Variants in NOL9 observed in about 807,000 individuals in gnomAD.
NOL9 encodes polynucleotide 5'-hydroxyl-kinase NOL9.
NOL9 carries 28 observed loss-of-function variants against 67.9 expected under a neutral mutation model. That is an observed-to-expected ratio of 0.41 (90% CI 0.31 to 0.57). The LOEUF (loss-of-function observed/expected upper bound fraction) is 0.57, where lower values mean the gene tolerates loss of function less well. Among genes scored for constraint, NOL9 ranks in the 20% least tolerant of loss-of-function variants. NOL9 has a pLI of 0.25. For missense variants in NOL9, 777 were observed against 897.0 expected, an observed-to-expected ratio of 0.87 and a Z score of 1.71; for synonymous variants, 356 against 352.2, an observed-to-expected ratio of 1.01 and a Z score of -0.12.
At position 6,525,944 on chromosome 1, in the gene NOL9, T is replaced by G. The variant is rs941121789; in HGVS notation, c.2019A>C (p.Gly673=). The G allele has an allele frequency of 2.5e-6, 4 of 1,613,992 alleles. No homozygotes were observed. Among genetic ancestry groups the G allele is most frequent in the Admixed American group, 1.7e-5 (1 of 60,008 alleles). Residue 673 remains glycine, a synonymous_variant, in exon 12 of 12, where the codon GGA becomes GGC. Transcript: ENST00000377705. ...CTCTTGCTCCAATTTTCTCTGATGC[T>G]CCAGGAAGTTTAAAATTGTAATCCG... ...VTTDYNFKLP[G]ASEKIGAREP...
intron 8 of NOL9, 96 bp from the exon 9 acceptor site, chr1:6,532,175 T>C: frequency 1.0e-6 from 1 of 982,174 alleles, no homozygotes; most frequent in Admixed American, 2.0e-5. Context: ...CACAGAGTAC[T>C]GGGCTTTCCA....
chr1:6,533,257 C>T (rs1340262036), intron 7 of NOL9, 23 bp downstream of exon 7: 2 of 1,554,376 alleles, frequency 1.3e-6, no homozygotes, highest in East Asian at 2.3e-5. Flanking sequence ...CCTTCCCTTG[C>T]AGATGTGCAC....
intron 5 of NOL9, among the ~76,000 whole-genome samples, chr1:6,542,812 G>A (rs180745476): frequency 9.9e-5 from 15 of 150,996 alleles, no homozygotes; most frequent in Admixed American, 9.9e-4. Flanking sequence ...GGCTGGTCTT[G>A]AACTCCTGAA....
chr1:6,540,609 T>C (rs1397728615), intron 6 of NOL9, among the ~76,000 whole-genome samples: 1 of 152,100 alleles, frequency 6.6e-6, no homozygotes, highest in Non-Finnish European at 1.5e-5. Context: ...GTAGATGACC[T>C]GAGGTCAGGA....
At chr1:6,548,764 T>A (rs1639475822) in intron 3 of NOL9, 1 of 161,828 alleles carries the variant, frequency 6.2e-6, no homozygotes, top group Non-Finnish European at 1.4e-5. Flanking sequence ...ATTAATAAAC[T>A]GAAATATAAA....
chr1:6,530,973 A>G (rs993648299), intron 9 of NOL9, among the ~76,000 whole-genome samples: 2 of 152,198 alleles, frequency 1.3e-5, no homozygotes, highest in Non-Finnish European at 2.9e-5. Flanking sequence ...TGCTTTTACC[A>G]TCTGTAAAAT....
Position 6,521,854 on chromosome 1 carries a change from G to C in NOL9, c.*4000C>G, listed in dbSNP as rs575108531. Reference sequence around the variant, plus strand: ...CGGAGACTGTGCTACATCTCTTATAGACATGACTTCACTTACTCCTCACCC... The same window carrying C: ...CGGAGACTGTGCTACATCTCTTATACACATGACTTCACTTACTCCTCACCC... On this transcript the variant is annotated 3_prime_UTR_variant, in exon 12 of 12. Transcript: ENST00000377705. 2.0e-5 allele frequency: 3 copies of C among 152,294 alleles called. No homozygotes were observed. The East Asian group carries it at 5.8e-4, about 29-fold the overall frequency. The allele number at this position is 152,294 out of a possible 1,614,324, so 9.4% of individuals were successfully genotyped here.
intron 6 of NOL9, chr1:6,540,843 C>G (rs1370645198): frequency 6.6e-6 from 1 of 150,488 alleles, no homozygotes; most frequent in Non-Finnish European, 1.5e-5. Context: ...AAAAAAAAAG[C>G]AAGCAAGGTG....
At position 6,554,425 on chromosome 1, in the gene NOL9, C is replaced by T; in HGVS notation, c.78G>A (p.Gln26=). The change falls in exon 1 of 12, where the codon CAG becomes CAA. Residue 26 remains glutamine (Q), a synonymous_variant. Transcript: ENST00000377705. ...TWLRVRKARP[Q]LILSRRPRRR... Reference sequence around the variant, plus strand: ...GGCGGGGCCGGCGGCTGAGGATGAGCTGGGGCCGGGCCTTGCGGACCCGCA... The same window carrying T: ...GGCGGGGCCGGCGGCTGAGGATGAGTTGGGGCCGGGCCTTGCGGACCCGCA... 4 of 1,540,946 alleles carry T rather than the reference C, an allele frequency of 2.6e-6. No homozygotes were observed. Among genetic ancestry groups the T allele is most frequent in the South Asian group, 1.2e-5 (1 of 84,446 alleles).
intron 5 of NOL9, among the ~76,000 whole-genome samples, chr1:6,542,598 C>T (rs923586430): frequency 7.2e-5 from 11 of 152,038 alleles, no homozygotes; most frequent in Admixed American, 5.9e-4. Flanking sequence ...GCTGGGATTA[C>T]AGGCATGTGC....
chr1:6,533,547 C>T (rs187239233), intron 6 of NOL9, 106 bp from the exon 7 acceptor site: 5 of 832,012 alleles, frequency 6.0e-6, no homozygotes, highest in Admixed American at 6.2e-5. Flanking sequence ...TGACAAAGAA[C>T]CTTAGGAAAT....
At chr1:6,549,846 C>T (rs1639504194) in intron 2 of NOL9, 148 bp from the exon 3 acceptor site, 2 of 869,226 alleles carry the variant, frequency 2.3e-6, no homozygotes, top group Admixed American at 5.3e-5. Flanking sequence ...GTACTACATA[C>T]TAAGAACACA....
intron 9 of NOL9, among the ~76,000 whole-genome samples, chr1:6,530,290 T>C (rs894281435): frequency 3.3e-5 from 5 of 151,870 alleles, no homozygotes; most frequent in Non-Finnish European, 7.4e-5. Flanking sequence ...CCGTTTCTAC[T>C]AAAAATACAA....
In NOL9 at chr1:6,544,907, C is replaced by A; in HGVS notation, c.896G>T (p.Cys299Phe). The A allele has an allele frequency of 6.2e-7, 1 of 1,614,182 alleles. No individual in the cohort carries two copies. The highest frequency in any genetic ancestry group is 8.5e-7 in the Non-Finnish European group (1 of 1,180,038). The change falls in exon 5 of 12, where the codon TGC becomes TTC. Residue 299 changes from cysteine (C) to phenylalanine (F), a missense_variant. Transcript: ENST00000377705. ...GGATCCACAAACTAGAATGACAGGG[C>A]AGCCATCTACTTCTTCTGAATGGGA... is the stretch of plus-strand genomic sequence containing the variant. ...VNVSCEEVDG[C>F]PVILVCGSQD...
chr1:6,538,707 G>T (rs1272058414), intron 6 of NOL9, among the ~76,000 whole-genome samples: 1 of 151,922 alleles, frequency 6.6e-6, no homozygotes. Context: ...AGCAGGCTGG[G>T]TGTGGTGGCT....
rs1203024318 is a variant in NOL9 at position 6,522,691 on chromosome 1, C to G, written c.*3163G>C. The G allele has an allele frequency of 6.6e-6, 1 of 151,828 alleles. No individual in the cohort carries two copies. The highest frequency in any genetic ancestry group is 6.6e-5 in the Admixed American group (1 of 15,206). The allele number at this position is 151,828 out of a possible 1,614,324, so 9.4% of individuals were successfully genotyped here. ...ACGAGGTCAGGAGTTCGAGACCAGCCTGACCAACATGGTGAAACCCTGTCT... is the reference window on the plus strand; with the variant it reads ...ACGAGGTCAGGAGTTCGAGACCAGCGTGACCAACATGGTGAAACCCTGTCT... On this transcript the variant is annotated 3_prime_UTR_variant, in exon 12 of 12. Coordinates refer to ENST00000377705, the MANE Select transcript of NOL9 (RefSeq NM_024654.5).
intron 5 of NOL9, among the ~76,000 whole-genome samples, chr1:6,544,544 C>CGCACGCACACAA (rs61278197): frequency 3.4e-5 from 4 of 118,654 alleles, no homozygotes; most frequent in Admixed American, 8.9e-5. Flanking sequence ...CACACACGCA[C>CGCACGCACACAA]CCCCCCCCCG....
intron 6 of NOL9, among the ~76,000 whole-genome samples, chr1:6,538,656 G>A (rs1033567895): frequency 6.6e-5 from 10 of 151,508 alleles, no homozygotes; most frequent in South Asian, 2.1e-4. Context: ...TCGGCACTCC[G>A]TCTCAAAAAG....
At chr1:6,534,090 T>G (rs1370217002) in intron 6 of NOL9, among the ~76,000 whole-genome samples, 1 of 152,114 alleles carries the variant, frequency 6.6e-6, no homozygotes, top group African/African-American at 2.4e-5. Flanking sequence ...TTTCTCCATG[T>G]TGGTCAGGCT....
Sources: gnomAD v4.1 joint callset for allele counts (sites outside exome capture counted in the v4.1 genomes callset) on GRCh38, gnomAD v4.1.1 for gene constraint, MANE v1.5 for transcripts, NCBI Gene and HGNC (gene_info 2026-07-23, HGNC 2026-07-21) for gene names.